EXOC4: variants seen among roughly 807,000 people sequenced by gnomAD.
EXOC4 encodes the protein exocyst complex component 4.
In EXOC4, 71 loss-of-function variants were observed where a neutral mutation model predicts 107.2. That is an observed-to-expected ratio of 0.66 (90% CI 0.55 to 0.81). The LOEUF (loss-of-function observed/expected upper bound fraction) is 0.81, where lower values mean the gene tolerates loss of function less well. Ranked by LOEUF, EXOC4 falls within the 30% of genes least tolerant of loss-of-function variation. The pLI, the probability that EXOC4 is intolerant of heterozygous loss-of-function variation, is 0.00. For missense variants in EXOC4, 1,108 were observed against 1,189.6 expected (o/e 0.93, Z 1.01); for synonymous variants, 456 against 441.2 (o/e 1.03, Z -0.42).
At chr7:133,394,556 G>A (rs1796928442) in intron 7 of EXOC4, among the ~76,000 whole-genome samples, 2 of 152,152 alleles carry the variant, frequency 1.3e-5, no homozygotes, top group African/African-American at 2.4e-5. Flanking sequence ...TCTGAGAAAC[G>A]GAAACAGTTA....
At chr7:133,430,103 T>C (rs951453420) in intron 7 of EXOC4, among the ~76,000 whole-genome samples, 2 of 152,140 alleles carry the variant, frequency 1.3e-5, no homozygotes, top group Non-Finnish European at 2.9e-5. Flanking sequence ...ACTTGAAGGA[T>C]GTGGAGATTT....
At position 133,293,796 on chromosome 7, in the gene EXOC4, A is replaced by G. The variant is rs575802148; in HGVS notation, c.471+4680A>G. 9.8e-5 allele frequency among the ~76,000 whole-genome samples: 15 copies of G among 152,356 alleles called. No homozygotes were observed. The Middle Eastern group carries it at 0.017, about 173-fold the overall frequency. On this transcript the variant is annotated intron_variant, in intron 3 of 17. Coordinates refer to ENST00000253861, the MANE Select transcript of EXOC4 (RefSeq NM_021807.4). ...CAAGGTAAACAGCTGCTGTTGGCTT[A>G]TGAAAAGCTAAAAATGATCCAACAA...
chr7:133,817,506 A>C lies in EXOC4; in HGVS notation c.1696A>C (p.Thr566Pro). The C allele has an allele frequency of 6.2e-7, 1 of 1,614,182 alleles. No homozygotes were observed. The highest frequency in any genetic ancestry group is 1.6e-4 in the Middle Eastern group (1 of 6,062). The change falls in exon 11 of 18, where the codon ACC becomes CCC. Residue 566 changes from threonine to proline, a missense_variant. Thr to Pro is a conservative substitution (Grantham distance 38, BLOSUM62 -1). Coordinates refer to ENST00000253861, the MANE Select transcript of EXOC4 (RefSeq NM_021807.4). ...DPLKILANAD[T>P]MKVLGVQRPL... is the part of the protein sequence containing the mutation. ...TTTGAAGATTCTGGCCAACGCAGACACCATGAAGGTGCTGGGAGTGCAGCG... is the reference window on the plus strand; with the variant it reads ...TTTGAAGATTCTGGCCAACGCAGACCCCATGAAGGTGCTGGGAGTGCAGCG...
At chr7:134,087,401 A>G in the EXOC4 span, among the ~76,000 whole-genome samples, 32,310 of 152,206 alleles carry the variant, frequency 0.21, 5,153 homozygotes, top group African/African-American at 0.45. Context: ...CCAACAAAAG[A>G]TGGTATCTGG....
At chr7:133,424,141 C>T (rs1797668507) in intron 7 of EXOC4, among the ~76,000 whole-genome samples, 3 of 152,266 alleles carry the variant, frequency 2.0e-5, no homozygotes, top group South Asian at 4.2e-4. Context: ...TAAAAGCAGG[C>T]CACCCGAGCC....
chr7:133,509,133 AAT>A (rs1272966883), intron 9 of EXOC4, among the ~76,000 whole-genome samples: 4 of 152,134 alleles, frequency 2.6e-5, no homozygotes, highest in Non-Finnish European at 5.9e-5. Context: ...CAACCATTGA[AAT>A]ATAAGCAGAG....
chr7:133,956,576 G>A (rs532486505), intron 14 of EXOC4, among the ~76,000 whole-genome samples: 1 of 152,264 alleles, frequency 6.6e-6, no homozygotes, highest in Admixed American at 6.5e-5. Flanking sequence ...CAGCTCAGTG[G>A]GGGCTGCATC....
intron 10 of EXOC4, among the ~76,000 whole-genome samples, chr7:133,649,486 A>AT: frequency 9.9e-6 from 1 of 101,516 alleles, no homozygotes; most frequent in African/African-American, 3.5e-5. Flanking sequence ...TTTTTTTTTT[A>AT]ACCAGTAAAG....
chr7:133,843,269 C>A lies in EXOC4; in HGVS notation c.1734+25725C>A, dbSNP rs142875325. 2.4e-3 allele frequency among the ~76,000 whole-genome samples: 364 copies of A among 152,064 alleles called. 5 individuals are homozygous for A. Among genetic ancestry groups the A allele is most frequent in the African/African-American group, 8.2e-3 (340 of 41,500 alleles). Reference sequence around the variant, plus strand: ...GTAAATTGCTTTGGGCAGTATGGCCCTTTCAACAATATTGTTTTTTCCTAT... The same window carrying A: ...GTAAATTGCTTTGGGCAGTATGGCCATTTCAACAATATTGTTTTTTCCTAT... On this transcript the variant is annotated intron_variant, in intron 11 of 17. Transcript: ENST00000253861.
intron 3 of EXOC4, among the ~76,000 whole-genome samples, chr7:133,300,956 G>A (rs986295729): frequency 1.3e-5 from 2 of 152,080 alleles, no homozygotes; most frequent in Non-Finnish European, 2.9e-5. Context: ...TTCCGACTTG[G>A]GAAAAATAAG....
chr7:134,011,749 A>G (rs2116367021), intron 17 of EXOC4, among the ~76,000 whole-genome samples: 1 of 151,798 alleles, frequency 6.6e-6, no homozygotes, highest in South Asian at 2.1e-4. Flanking sequence ...AGTAAAATAT[A>G]TATAAAGTAT....
At chr7:134,020,423 C>T (rs990470839) in intron 17 of EXOC4, among the ~76,000 whole-genome samples, 2 of 152,110 alleles carry the variant, frequency 1.3e-5, no homozygotes, top group African/African-American at 4.8e-5. Context: ...CCTTTAGTCC[C>T]CTTTACTCTT....
intron 9 of EXOC4, among the ~76,000 whole-genome samples, chr7:133,531,939 T>TA (rs542627280): frequency 6.6e-6 from 1 of 152,180 alleles, no homozygotes; most frequent in South Asian, 2.1e-4. Flanking sequence ...TGCACATACA[T>TA]ATTGAGGTAT....
At chr7:133,634,500 T>G (rs1265801992) in intron 10 of EXOC4, among the ~76,000 whole-genome samples, 2 of 152,190 alleles carry the variant, frequency 1.3e-5, no homozygotes, top group South Asian at 2.1e-4. Context: ...TGTTTTTTGT[T>G]TTTTAAATAG....
intron 10 of EXOC4, among the ~76,000 whole-genome samples, chr7:133,800,704 C>G (rs1796921462): frequency 6.6e-6 from 1 of 152,128 alleles, no homozygotes; most frequent in Admixed American, 6.5e-5. Context: ...ATCCCCTGGT[C>G]ATTGCTTTCA....
At chr7:133,640,330 CATG>C (rs1802824069) in intron 10 of EXOC4, among the ~76,000 whole-genome samples, 2 of 152,150 alleles carry the variant, frequency 1.3e-5, no homozygotes, top group Admixed American at 1.3e-4. Flanking sequence ...ATTTGTGTGA[CATG>C]ATGTCTATGT....
At chr7:133,791,921 TTCTTAC>T (rs1475607522) in intron 10 of EXOC4, among the ~76,000 whole-genome samples, 7 of 152,234 alleles carry the variant, frequency 4.6e-5, no homozygotes, top group African/African-American at 1.7e-4. Context: ...CTCACTTTTA[TTCTTAC>T]GTCTAAAGGG....
At chr7:133,636,321 T>C (rs1354879124) in intron 10 of EXOC4, among the ~76,000 whole-genome samples, 1 of 152,202 alleles carries the variant, frequency 6.6e-6, no homozygotes, top group Non-Finnish European at 1.5e-5. Context: ...TTGGTTGGTT[T>C]GGATGTTGCT....
At chr7:133,289,323 A>G (rs1563004184) in intron 3 of EXOC4, among the ~76,000 whole-genome samples, 1 of 152,240 alleles carries the variant, frequency 6.6e-6, no homozygotes, top group African/African-American at 2.4e-5. Flanking sequence ...CTGTCTTTGT[A>G]ACAATGGCAA....
Sources: allele counts gnomAD v4.1 joint callset (sites outside exome capture counted in the v4.1 genomes callset), GRCh38; gene constraint gnomAD v4.1.1; transcripts MANE v1.5; gene names NCBI Gene and HGNC (gene_info 2026-07-23, HGNC 2026-07-21).